SLITRK4: variants seen among roughly 807,000 people sequenced by gnomAD.
SLITRK4 encodes the protein SLIT and NTRK-like protein 4.
SLITRK4 carries 7 observed loss-of-function variants against 34.7 expected under a neutral mutation model. The observed-to-expected ratio is 0.20, with a 90% CI of 0.11 to 0.38. SLITRK4 has a LOEUF of 0.38. Among genes scored for constraint, SLITRK4 ranks in the 10% least tolerant of loss-of-function variants. The probability of loss-of-function intolerance (pLI) is 1.00; values close to 1 mark genes in which losing one functional copy is unlikely to be tolerated. For synonymous variants in SLITRK4, 237 were observed against 246.2 expected, an observed-to-expected ratio of 0.96 and a Z score of 0.35; for missense variants, 474 against 607.0, an observed-to-expected ratio of 0.78 and a Z score of 2.30.
intron 1 of SLITRK4, among the ~76,000 whole-genome samples, chrX:143,634,016 G>T (rs1330454692): frequency 8.9e-6 from 1 of 112,540 alleles, no homozygotes; most frequent in Non-Finnish European, 1.9e-5. Flanking sequence ...CCCACAAGGG[G>T]CAGCTGCCGG....
rs1197109157 is a variant in SLITRK4, at chrX:143,626,322, T to C, written c.*2273A>G. On this transcript the variant is annotated 3_prime_UTR_variant, in exon 2 of 2. Transcript: ENST00000356928. Reference sequence around the variant, plus strand: ...AGCTGTTGGGCACACATCTTGTCTTTTCTTTCAAGATCAGAAAGCAATTAT... The same window carrying C: ...AGCTGTTGGGCACACATCTTGTCTTCTCTTTCAAGATCAGAAAGCAATTAT... The C allele has an allele frequency of 9.0e-6, 1 of 111,436 alleles. No individual in the cohort carries two copies. The highest frequency in any genetic ancestry group is 3.3e-5 in the African/African-American group (1 of 30,767). The allele number at this position is 111,436 out of a possible 1,213,427, so 9.2% of individuals were successfully genotyped here. A position where few individuals can be genotyped will look rare whatever the true frequency, so the allele number is the denominator to read the frequency against.
At position 143,630,830 on chromosome X, in the gene SLITRK4, A is replaced by G. The variant is rs1556428203; in HGVS notation, c.279T>C (p.Asn93=). The G allele has an allele frequency of 8.3e-7, 1 of 1,211,669 alleles. No individual in the cohort carries two copies. The highest frequency in any genetic ancestry group is 1.1e-6 in the Non-Finnish European group (1 of 895,432). ...SHAVSLHLGN[N]KLQNIEGGAF... ...CTCCTCCCTCAATGTTCTGCAGTTTATTATTCCCCAGATGCAGGGAGACTG... is the reference window on the plus strand; with the variant it reads ...CTCCTCCCTCAATGTTCTGCAGTTTGTTATTCCCCAGATGCAGGGAGACTG... The change falls in exon 2 of 2, where the codon AAT becomes AAC. Residue 93 remains asparagine (N), a synonymous_variant. Coordinates refer to ENST00000356928, the MANE Select transcript of SLITRK4 (RefSeq NM_001184749.3).
chrX:143,625,279 T>C lies in SLITRK4; in HGVS notation c.*3316A>G, dbSNP rs1556425261. 1.3e-4 allele frequency: 14 copies of C among 111,725 alleles called. No homozygotes were observed. 9.2% of individuals were successfully genotyped at this position (111,725 alleles called of 1,213,427 possible). ...TCTATTCAGAATGAAAAACTAAATA[T>C]AGAATATAAATTGCCTTATAGACTT... On this transcript the variant is annotated 3_prime_UTR_variant, in exon 2 of 2. Coordinates refer to ENST00000356928, the MANE Select transcript of SLITRK4 (RefSeq NM_001184749.3).
chrX:143,624,000 C>A lies in SLITRK4; in HGVS notation c.*4595G>T, dbSNP rs1930706272. 2 of 112,015 alleles carry A rather than the reference C, an allele frequency of 1.8e-5. No homozygotes were observed. Among genetic ancestry groups the A allele is most frequent in the Admixed American group, 1.9e-4 (2 of 10,542 alleles). 9.2% of individuals were successfully genotyped at this position (112,015 alleles called of 1,213,427 possible). A position where few individuals can be genotyped will look rare whatever the true frequency, so the allele number is the denominator to read the frequency against. ...TTTAGTCTAAAAGTACTTGCATATG[C>A]TATCTATACTGTTCACACCTTCAGC... On this transcript the variant is annotated 3_prime_UTR_variant, in exon 2 of 2. Coordinates refer to ENST00000356928, the MANE Select transcript of SLITRK4 (RefSeq NM_001184749.3).
intron 1 of SLITRK4, among the ~76,000 whole-genome samples, chrX:143,633,004 GA>G (rs199626324): frequency 0.01 from 1,011 of 100,466 alleles, 6 homozygotes; most frequent in African/African-American, 0.027. Flanking sequence ...ACCAAACGCA[GA>G]AAAAAAAAAA....
In SLITRK4 at chrX:143,630,815, A is replaced by C. The variant is rs1191922748; in HGVS notation, c.294T>G (p.Ile98Met). Residue 98 changes from isoleucine to methionine, a missense_variant, in exon 2 of 2, where the codon ATT becomes ATG. Physicochemically the swap from Ile to Met is conservative, Grantham distance 10 (BLOSUM62 1). Transcript: ENST00000356928. The part of the protein sequence containing the change: ...LHLGNNKLQN[I>M]EGGAFLGLSA... ...TGAGCCCAAGAAAGGCTCCTCCCTC[A>C]ATGTTCTGCAGTTTATTATTCCCCA... 1 of 1,210,274 alleles carries C rather than the reference A, an allele frequency of 8.3e-7. No homozygotes were observed. Among genetic ancestry groups the C allele is most frequent in the African/African-American group, 1.7e-5 (1 of 57,241 alleles).
chrX:143,628,662 G>T lies in SLITRK4; in HGVS notation c.2447C>A (p.Ala816Glu). 1 of 1,210,077 alleles carries T rather than the reference G, an allele frequency of 8.3e-7. No individual in the cohort carries two copies. Among genetic ancestry groups the T allele is most frequent in the Non-Finnish European group, 1.1e-6 (1 of 894,939 alleles). ...QRKSEYFELK[A>E]KLQSSPDYLQ... ...GTAGTCAGGGGAACTCTGCAGTTTCGCCTTCAGTTCAAAATACTCACTCTT... is the reference window on the plus strand; with the variant it reads ...GTAGTCAGGGGAACTCTGCAGTTTCTCCTTCAGTTCAAAATACTCACTCTT... Residue 816 changes from alanine (A) to glutamate (E), a missense_variant, in exon 2 of 2, where the codon GCG (alanine) becomes GAG (glutamate). By Grantham distance (107) the Ala-to-Glu change is moderately radical (BLOSUM62 -1). Transcript: ENST00000356928.
chrX:143,625,623 T>C lies in SLITRK4; in HGVS notation c.*2972A>G, dbSNP rs1239248941. 9.0e-6 allele frequency: 1 copy of C among 111,389 alleles called. No individual in the cohort carries two copies. The highest frequency in any genetic ancestry group is 1.9e-5 in the Non-Finnish European group (1 of 52,840). The allele number at this position is 111,389 out of a possible 1,213,427, so 9.2% of individuals were successfully genotyped here. A position where few individuals can be genotyped will look rare whatever the true frequency, so the allele number is the denominator to read the frequency against. ...TAAAAATGCTGTACTGATGTACATA[T>C]CATACCTCCAGGGGTTAAACTAACA... On this transcript the variant is annotated 3_prime_UTR_variant, in exon 2 of 2. Coordinates refer to ENST00000356928, the MANE Select transcript of SLITRK4 (RefSeq NM_001184749.3).
chrX:143,636,071 G>T lies in SLITRK4; in HGVS notation c.-387C>A, dbSNP rs998469131. 2.0e-5 allele frequency among the ~76,000 whole-genome samples: 2 copies of T among 100,295 alleles called. No individual in the cohort carries two copies. Among genetic ancestry groups the T allele is most frequent in the Admixed American group, 1.1e-4 (1 of 8,981 alleles). 87.1% of individuals were successfully genotyped at this position (100,295 alleles called of 115,157 possible). A position where few individuals can be genotyped will look rare whatever the true frequency, so the allele number is the denominator to read the frequency against. On this transcript the variant is annotated 5_prime_UTR_variant, in exon 1 of 2. Coordinates refer to ENST00000356928, the MANE Select transcript of SLITRK4 (RefSeq NM_001184749.3). Reference sequence around the variant, plus strand: ...GGATAGGGGTTGAGGAAAGAGAGGCGTGGGACTGGGAGAGATGCCGCACTT... The same window carrying T: ...GGATAGGGGTTGAGGAAAGAGAGGCTTGGGACTGGGAGAGATGCCGCACTT...
chrX:143,625,408 C>A lies in SLITRK4; in HGVS notation c.*3187G>T, dbSNP rs1427378459. ...GATTTCATAAAAAAATAATTTAAAA[C>A]TTGATTTATATTACATGGACACAAT... On this transcript the variant is annotated 3_prime_UTR_variant, in exon 2 of 2. Coordinates refer to ENST00000356928, the MANE Select transcript of SLITRK4 (RefSeq NM_001184749.3). The A allele has an allele frequency of 9.0e-6, 1 of 111,137 alleles. No homozygotes were observed. The highest frequency in any genetic ancestry group is 1.9e-5 in the Non-Finnish European group (1 of 52,671). 9.2% of individuals were successfully genotyped at this position (111,137 alleles called of 1,213,427 possible).
chrX:143,633,209 A>G (rs1443496671), intron 1 of SLITRK4, among the ~76,000 whole-genome samples: 1 of 109,731 alleles, frequency 9.1e-6, no homozygotes, highest in East Asian at 2.9e-4. Context: ...CTGGAGGGGC[A>G]GGCAAGAGAG....
chrX:143,631,538 C>A (rs1556428683), intron 1 of SLITRK4, among the ~76,000 whole-genome samples: 1 of 109,298 alleles, frequency 9.1e-6, no homozygotes, highest in East Asian at 2.8e-4. Flanking sequence ...AGTATGCCAT[C>A]GAGTTTGTAC....
chrX:143,629,244 A>T lies in SLITRK4; in HGVS notation c.1865T>A (p.Leu622Ter). The part of the protein sequence containing the change: ...GGPVPLSILI[L>*]SILVVLILTV... ...TAAAATGAGGACCACTAAGATACTT[A>T]AGATTAAAATAGACAGAGGCACTGG... Residue 622 changes from leucine to a stop codon, truncating the protein, a stop_gained, in exon 2 of 2, where the codon TTA becomes TAA. Coordinates refer to ENST00000356928, the MANE Select transcript of SLITRK4 (RefSeq NM_001184749.3). LOFTEE classifies it high-confidence loss of function. 8.3e-7 allele frequency: 1 copy of T among 1,212,098 alleles called. No homozygotes were observed. The highest frequency in any genetic ancestry group is 1.1e-6 in the Non-Finnish European group (1 of 895,635).
chrX:143,624,624 T>A lies in SLITRK4; in HGVS notation c.*3971A>T, dbSNP rs1404795352. ...GCTATATCTTACCCTCAAATCTGGG[T>A]GAAATGATCAGTTTGGTTACTGCTT... is the stretch of plus-strand genomic sequence containing the variant. On this transcript the variant is annotated 3_prime_UTR_variant, in exon 2 of 2. Coordinates refer to ENST00000356928, the MANE Select transcript of SLITRK4 (RefSeq NM_001184749.3). 1 of 111,515 alleles carries A rather than the reference T, an allele frequency of 9.0e-6. No individual in the cohort carries two copies. Among genetic ancestry groups the A allele is most frequent in the Non-Finnish European group, 1.9e-5 (1 of 52,831 alleles). 9.2% of individuals were successfully genotyped at this position (111,515 alleles called of 1,213,427 possible). A position where few individuals can be genotyped will look rare whatever the true frequency, so the allele number is the denominator to read the frequency against.
In SLITRK4 at chrX:143,626,929, T is replaced by G. The variant is rs1602925330; in HGVS notation, c.*1666A>C. ...ATCTATATATATCTATATATCTATA[T>G]ATATATATGCAGGCAGGCCAAGAAG... On this transcript the variant is annotated 3_prime_UTR_variant, in exon 2 of 2. Transcript: ENST00000356928. 1 of 107,379 alleles carries G rather than the reference T, an allele frequency of 9.3e-6. No individual in the cohort carries two copies. The highest frequency in any genetic ancestry group is 1.9e-5 in the Non-Finnish European group (1 of 52,124). The allele number at this position is 107,379 out of a possible 1,213,427, so 8.8% of individuals were successfully genotyped here. A position where few individuals can be genotyped will look rare whatever the true frequency, so the allele number is the denominator to read the frequency against.
intron 1 of SLITRK4, among the ~76,000 whole-genome samples, chrX:143,632,370 A>G (rs1931068953): frequency 9.0e-6 from 1 of 111,690 alleles, no homozygotes; most frequent in African/African-American, 3.3e-5. Context: ...TAAATACTGC[A>G]TATATACACA....
Position 143,629,810 on chromosome X carries a change from A to G in SLITRK4, c.1299T>C (p.Asn433=). 1.2e-5 allele frequency: 15 copies of G among 1,210,110 alleles called. No individual in the cohort carries two copies. The highest frequency in any genetic ancestry group is 1.6e-5 in the Non-Finnish European group (14 of 894,165). The change falls in exon 2 of 2, where the codon AAT becomes AAC. Residue 433 remains asparagine, a synonymous_variant. Transcript: ENST00000356928. The part of the protein sequence containing the change: ...NLTNLRRLYL[N]GNQIERLYPE... ...GATAGAGTCTCTCAATTTGATTGCC[A>G]TTGAGATATAGCCTGCGTAAATTAG...
In SLITRK4 at chrX:143,629,754, T is replaced by C; in HGVS notation, c.1355A>G (p.Gln452Arg). The stretch of plus-strand genomic sequence containing the variant: ...CAAATTGTATTCCAAATACAGATAC[T>C]GCAGGTTATGAAGACCTGAAAATAT... ...PEIFSGLHNL[Q>R]YLYLEYNLIK... Residue 452 changes from glutamine (Q) to arginine (R), a missense_variant, in exon 2 of 2, where the codon CAG (glutamine) becomes CGG (arginine). Around this residue, in one of 3 missense-constraint regions of SLITRK4, gnomAD observed 345 missense variants for 406.5 expected, o/e 0.85. Transcript: ENST00000356928. 8.3e-7 allele frequency: 1 copy of C among 1,211,084 alleles called. No individual in the cohort carries two copies. The highest frequency in any genetic ancestry group is 1.8e-5 in the South Asian group (1 of 56,950).
chrX:143,631,875 A>G (rs141365118), intron 1 of SLITRK4, among the ~76,000 whole-genome samples: 1,768 of 111,880 alleles, frequency 0.016, 44 homozygotes, highest in African/African-American at 0.053. Context: ...ATTTTCTGGT[A>G]AATAAACAGT....
Sources: allele counts gnomAD v4.1 joint callset (sites outside exome capture counted in the v4.1 genomes callset), GRCh38; gene constraint gnomAD v4.1.1; regional missense constraint gnomAD v4.1.1; transcripts MANE v1.5; gene names NCBI Gene and HGNC (gene_info 2026-07-23, HGNC 2026-07-21).